Variants in KANSL1 observed in about 807,000 individuals in gnomAD.
The protein encoded by KANSL1 is KAT8 regulatory NSL complex subunit 1, also known as MLL1/MLL complex subunit KANSL1.
Under a neutral mutation model 103.6 loss-of-function variants are expected in KANSL1, and 22 were observed. That is an observed-to-expected ratio of 0.21 (90% CI 0.15 to 0.30). The LOEUF (loss-of-function observed/expected upper bound fraction) is 0.30, where lower values mean the gene tolerates loss of function less well. Among genes scored for constraint, KANSL1 ranks in the 10% least tolerant of loss-of-function variants. The pLI, the probability that KANSL1 is intolerant of heterozygous loss-of-function variation, is 1.00. For synonymous variants in KANSL1, 600 were observed against 527.6 expected, an observed-to-expected ratio of 1.14 and a Z score of -1.88; for missense variants, 1,337 against 1,399.8, an observed-to-expected ratio of 0.96 and a Z score of 0.72.
intron 3 of KANSL1, among the ~76,000 whole-genome samples, chr17:46,083,892 T>C (rs1221804764): frequency 6.6e-6 from 1 of 152,058 alleles, no homozygotes; most frequent in East Asian, 1.9e-4. Context: ...AACCAGATGA[T>C]CCATCCCTGG....
chr17:46,144,096 G>A (rs900791515), intron 2 of KANSL1, among the ~76,000 whole-genome samples: 1 of 152,186 alleles, frequency 6.6e-6, no homozygotes, highest in African/African-American at 2.4e-5. Flanking sequence ...TCATGGGGGG[G>A]AAAACGAAAA....
chr17:46,197,775 G>A (rs961296445), upstream of KANSL1, among the ~76,000 whole-genome samples: 17 of 152,252 alleles, frequency 1.1e-4, no homozygotes, highest in African/African-American at 3.9e-4. Flanking sequence ...TTGCAGGCAG[G>A]AACTGTGGTT....
intron 2 of KANSL1, among the ~76,000 whole-genome samples, chr17:46,145,261 A>G (rs911048690): frequency 2.0e-5 from 3 of 152,142 alleles, no homozygotes; most frequent in Non-Finnish European, 4.4e-5. Flanking sequence ...ACTTACTATC[A>G]TTTTCCAACT....
intron 1 of KANSL1, 118 bp from the exon 2 acceptor site, chr17:46,172,350 C>G: frequency 3.3e-6 from 2 of 602,788 alleles, no homozygotes; most frequent in Non-Finnish European, 5.7e-6. Context: ...AGAAAACACT[C>G]TGGAGCTAAC....
At chr17:46,190,563 A>G (rs1419236915) in intron 1 of KANSL1, among the ~76,000 whole-genome samples, 1 of 152,246 alleles carries the variant, frequency 6.6e-6, no homozygotes, top group African/African-American at 2.4e-5. Flanking sequence ...TTCTTAACTG[A>G]TCATTCTTTT....
At chr17:46,098,997 CAAGAAT>C (rs2042194493) in intron 2 of KANSL1, among the ~76,000 whole-genome samples, 1 of 152,190 alleles carries the variant, frequency 6.6e-6, no homozygotes, top group Admixed American at 6.5e-5. Context: ...AACAGTAACA[CAAGAAT>C]AAGAGCTTCA....
rs561494121 is a variant in KANSL1, at chr17:46,167,815, A to T, written c.1289+3040T>A. Among the ~76,000 whole-genome samples, 9 of 152,410 alleles carry T rather than the reference A, an allele frequency of 5.9e-5. No homozygotes were observed. In the South Asian group the frequency reaches 1.9e-3, roughly 32 times the overall value. On this transcript the variant is annotated intron_variant, in intron 2 of 14. Transcript: ENST00000432791. ...ATCATTCTATAGCTAGCATGTACCA[A>T]CGACACAGAATGGATCACTGTTTCT...
At chr17:46,044,224 A>G (rs1302369988) in intron 7 of KANSL1, 1 of 152,196 alleles carries the variant, frequency 6.6e-6, no homozygotes, top group Non-Finnish European at 1.5e-5. Context: ...TTCAGAGAAG[A>G]GGGTGCTGAT....
At chr17:46,112,336 C>A (rs1175382730) in intron 2 of KANSL1, among the ~76,000 whole-genome samples, 2 of 141,218 alleles carry the variant, frequency 1.4e-5, no homozygotes, top group Non-Finnish European at 3.0e-5. Context: ...TCATTGCACT[C>A]CAGCCTGGGT....
At chr17:46,129,600 CAG>C (rs1477297169) in intron 2 of KANSL1, among the ~76,000 whole-genome samples, 2 of 152,136 alleles carry the variant, frequency 1.3e-5, no homozygotes, top group South Asian at 2.1e-4. Context: ...ATAAATCAGT[CAG>C]AGTGTGGAGT....
chr17:46,214,941 T>C (rs1399818421), intron 1 of KANSL1: 1 of 152,280 alleles, frequency 6.6e-6, no homozygotes, highest in Non-Finnish European at 1.5e-5. Flanking sequence ...AATAAAAATG[T>C]TTCTCATATG....
rs116591452 is a variant in KANSL1 at position 46,087,460 on chromosome 17, G to C, written c.1432-4918C>G. 7.5e-3 allele frequency among the ~76,000 whole-genome samples: 1,139 copies of C among 152,318 alleles called. 22 individuals are homozygous for C. Among genetic ancestry groups the C allele is most frequent in the African/African-American group, 0.026 (1,076 of 41,570 alleles). On this transcript the variant is annotated intron_variant, in intron 3 of 14. Transcript: ENST00000432791. ...TAGGTAAGAGTCATTCATGCAGGTAGCATCTATTGAGTGGCTACCACGTGC... is the reference window on the plus strand; with the variant it reads ...TAGGTAAGAGTCATTCATGCAGGTACCATCTATTGAGTGGCTACCACGTGC...
intron 2 of KANSL1, among the ~76,000 whole-genome samples, chr17:46,124,425 G>A (rs112073200): frequency 2.6e-5 from 4 of 152,092 alleles, no homozygotes; most frequent in African/African-American, 4.8e-5. Context: ...CACCATTGCC[G>A]GAGAGGTCTG....
intron 7 of KANSL1, chr17:46,044,129 G>A (rs1335493991): frequency 6.6e-6 from 1 of 152,094 alleles, no homozygotes; most frequent in African/African-American, 2.4e-5. Context: ...GCAAAAAAAG[G>A]GATATGAAAT....
At chr17:46,215,402 G>C (rs1218889579) in intron 1 of KANSL1, among the ~76,000 whole-genome samples, 1 of 152,222 alleles carries the variant, frequency 6.6e-6, no homozygotes, top group Non-Finnish European at 1.5e-5. Context: ...AGCCATGGTG[G>C]AAGAGGGAGG....
intron 1 of KANSL1, among the ~76,000 whole-genome samples, chr17:46,205,680 CA>C (rs56154541): frequency 0.19 from 17,103 of 92,220 alleles, 800 homozygotes; most frequent in African/African-American, 0.24. Context: ...GACACTGTCT[CA>C]AAAAAAAAAA....
At chr17:46,186,605 C>CA (rs1287056316) in intron 1 of KANSL1, among the ~76,000 whole-genome samples, 4 of 152,154 alleles carry the variant, frequency 2.6e-5, no homozygotes, top group South Asian at 2.1e-4. Context: ...TCACTAAGTG[C>CA]AAAAAAATAC....
chr17:46,082,641 GC>G, intron 3 of KANSL1, 99 bp from the exon 4 acceptor site: 1 of 600,724 alleles, frequency 1.7e-6, no homozygotes, highest in South Asian at 2.4e-5. Context: ...TGTACTAGAG[GC>G]CCCCTCTTCC....
intron 5 of KANSL1, among the ~76,000 whole-genome samples, chr17:46,067,091 T>C (rs2078406544): frequency 6.6e-6 from 1 of 152,378 alleles, no homozygotes; most frequent in East Asian, 1.9e-4. Context: ...CAAATGTTAA[T>C]GGGCTTCCTT....
Sources: allele counts gnomAD v4.1 joint callset (sites outside exome capture counted in the v4.1 genomes callset), GRCh38; gene constraint gnomAD v4.1.1; transcripts MANE v1.5; gene names NCBI Gene and HGNC (gene_info 2026-07-23, HGNC 2026-07-21).